The following NKAIN3 variants were observed in gnomAD, a reference collection of about 807,000 sequenced individuals.
The protein encoded by NKAIN3 is sodium/potassium-transporting ATPase subunit beta-1-interacting protein 3.
In NKAIN3, 25 loss-of-function variants were observed where a neutral mutation model predicts 30.2. The observed-to-expected ratio is 0.83, with a 90% CI of 0.60 to 1.16. The LOEUF is 1.16. NKAIN3 is among the 50% of genes most tolerant of loss of function. The probability of loss-of-function intolerance (pLI) is 0.00; values close to 1 mark genes in which losing one functional copy is unlikely to be tolerated. For synonymous variants in NKAIN3, 91 were observed against 89.6 expected, an observed-to-expected ratio of 1.02 and a Z score of -0.09; for missense variants, 225 against 254.1, an observed-to-expected ratio of 0.89 and a Z score of 0.78.
chr8:62,813,447 G>A (rs1818557888), intron 4 of NKAIN3, among the ~76,000 whole-genome samples: 1 of 148,266 alleles, frequency 6.7e-6, no homozygotes, highest in Admixed American at 6.7e-5. Context: ...ACGTCTGTGT[G>A]TTTCTTCATT....
At chr8:62,394,636 A>AGTGCGGTGGCCAGACT (rs1817675557) in intron 1 of NKAIN3, among the ~76,000 whole-genome samples, 2 of 152,164 alleles carry the variant, frequency 1.3e-5, no homozygotes, top group Non-Finnish European at 2.9e-5. Flanking sequence ...GTGGCCAGAC[A>AGTGCGGTGGCCAGACT]GAGGTGCTCC....
At chr8:62,672,888 G>A (rs1813352019) in intron 3 of NKAIN3, among the ~76,000 whole-genome samples, 1 of 152,100 alleles carries the variant, frequency 6.6e-6, no homozygotes, top group African/African-American at 2.4e-5. Context: ...CCATGTAAAT[G>A]TCATACTTTA....
intron 1 of NKAIN3, among the ~76,000 whole-genome samples, chr8:62,470,318 A>C (rs750445005): frequency 1.3e-5 from 2 of 152,192 alleles, no homozygotes; most frequent in Non-Finnish European, 1.5e-5. Flanking sequence ...TCTTTTTAGA[A>C]CTAACTTGAT....
intron 4 of NKAIN3, among the ~76,000 whole-genome samples, chr8:62,874,011 A>G (rs1001745242): frequency 7.2e-5 from 11 of 152,202 alleles, no homozygotes; most frequent in African/African-American, 2.6e-4. Context: ...AGATAGAGAC[A>G]TGAAAAACCC....
chr8:62,576,302 A>C (rs1247139031), intron 1 of NKAIN3, among the ~76,000 whole-genome samples: 1 of 152,124 alleles, frequency 6.6e-6, no homozygotes, highest in African/African-American at 2.4e-5. Flanking sequence ...AAATGAGCAA[A>C]AGATGCATTT....
intron 1 of NKAIN3, among the ~76,000 whole-genome samples, chr8:62,363,510 A>G (rs1816628358): frequency 6.6e-6 from 1 of 152,198 alleles, no homozygotes; most frequent in Non-Finnish European, 1.5e-5. Context: ...TCAAGGACTT[A>G]GGTGAAGCTG....
At position 62,256,481 on chromosome 8, in the gene NKAIN3, G is replaced by C. The variant is rs146191980; in HGVS notation, c.54+7354G>C. 2.2e-3 allele frequency among the ~76,000 whole-genome samples: 341 copies of C among 152,272 alleles called. 2 individuals carry two copies. Among genetic ancestry groups the C allele is most frequent in the African/African-American group, 7.6e-3 (316 of 41,560 alleles). On this transcript the variant is annotated intron_variant, in intron 1 of 6. Transcript: ENST00000623646. ...TTTTAGAAGAGTTGCTTCTCTTATG[G>C]AAACTTAATGTCTATGATAGCATGG...
At chr8:62,811,775 C>CT (rs1340966828) in intron 4 of NKAIN3, among the ~76,000 whole-genome samples, 3 of 151,914 alleles carry the variant, frequency 2.0e-5, no homozygotes, top group Non-Finnish European at 4.4e-5. Context: ...CTAGATACAA[C>CT]TTATTTGCTG....
At chr8:62,285,851 T>G (rs904968199) in intron 1 of NKAIN3, among the ~76,000 whole-genome samples, 6 of 152,198 alleles carry the variant, frequency 3.9e-5, no homozygotes, top group Non-Finnish European at 7.3e-5. Context: ...CAATTTTCTA[T>G]ACTTGAATAT....
intron 3 of NKAIN3, among the ~76,000 whole-genome samples, chr8:62,644,674 C>T (rs542955934): frequency 1.9e-4 from 29 of 152,148 alleles, no homozygotes; most frequent in African/African-American, 6.3e-4. Context: ...TAAGTAGTGG[C>T]GGCTTATTGA....
intron 1 of NKAIN3, among the ~76,000 whole-genome samples, chr8:62,511,745 G>T (rs573845703): frequency 5.3e-5 from 8 of 151,916 alleles, no homozygotes; most frequent in Non-Finnish European, 8.8e-5. Flanking sequence ...CTTTACAAAT[G>T]CTTTTCTTTG....
In NKAIN3 at chr8:62,379,428, G is replaced by A. The variant is rs909026076; in HGVS notation, c.54+130301G>A. On this transcript the variant is annotated intron_variant, in intron 1 of 6. Coordinates refer to ENST00000623646, the MANE Select transcript of NKAIN3 (RefSeq NM_001304533.3). ...TGAGATTTGGGAGGAGCCAGGGGTGGAATGATATGGTTTGGCTTAGTGTCC... is the reference window on the plus strand; with the variant it reads ...TGAGATTTGGGAGGAGCCAGGGGTGAAATGATATGGTTTGGCTTAGTGTCC... Among the ~76,000 whole-genome samples, 13 of 152,268 alleles carry A rather than the reference G, an allele frequency of 8.5e-5. 1 individual carries two copies. In the East Asian group the frequency reaches 2.5e-3, roughly 29 times the overall value.
chr8:62,520,381 A>G (rs888322592), intron 1 of NKAIN3, among the ~76,000 whole-genome samples: 1 of 152,126 alleles, frequency 6.6e-6, no homozygotes, highest in African/African-American at 2.4e-5. Context: ...AGTAAAATTA[A>G]TTTTTATAAT....
At chr8:62,708,993 T>C (rs186244688) in intron 3 of NKAIN3, among the ~76,000 whole-genome samples, 9 of 152,288 alleles carry the variant, frequency 5.9e-5, no homozygotes, top group Non-Finnish European at 1.2e-4. Context: ...TTGATTTTTA[T>C]TTTTAATTCT....
chr8:62,560,415 A>G (rs1188480492), intron 1 of NKAIN3, among the ~76,000 whole-genome samples: 1 of 151,146 alleles, frequency 6.6e-6, no homozygotes, highest in Admixed American at 6.6e-5. Context: ...ATATTTTGTT[A>G]TAATACCACA....
chr8:62,723,110 T>C (rs764838302), intron 3 of NKAIN3, among the ~76,000 whole-genome samples: 1 of 152,110 alleles, frequency 6.6e-6, no homozygotes, highest in East Asian at 1.9e-4. Context: ...GCCGCATCCA[T>C]AGGTCAAAAA....
intron 4 of NKAIN3, among the ~76,000 whole-genome samples, chr8:62,902,135 G>T (rs1442326841): frequency 6.6e-6 from 1 of 152,130 alleles, no homozygotes; most frequent in Non-Finnish European, 1.5e-5. Context: ...ATACAACCTG[G>T]AGATGAACAC....
intron 1 of NKAIN3, among the ~76,000 whole-genome samples, chr8:62,472,966 G>T (rs963109189): frequency 2.2e-4 from 33 of 152,320 alleles, no homozygotes; most frequent in African/African-American, 7.7e-4. Flanking sequence ...TGTCTGCTCT[G>T]CAAGGCTGTC....
intron 4 of NKAIN3, among the ~76,000 whole-genome samples, chr8:62,896,751 C>T (rs1207904091): frequency 6.6e-6 from 1 of 152,116 alleles, no homozygotes; most frequent in African/African-American, 2.4e-5. Context: ...TTAGCAGAAC[C>T]TAATAATTGC....
Sources: allele counts gnomAD v4.1 joint callset (sites outside exome capture counted in the v4.1 genomes callset), GRCh38; gene constraint gnomAD v4.1.1; transcripts MANE v1.5; gene names NCBI Gene and HGNC (gene_info 2026-07-23, HGNC 2026-07-21).